DISC1: variants seen among roughly 807,000 people sequenced by gnomAD.
DISC1 encodes disrupted in schizophrenia 1 protein.
In DISC1, 57 loss-of-function variants were observed where a neutral mutation model predicts 84.5. The observed-to-expected ratio is 0.67, with a 90% CI of 0.55 to 0.84. DISC1 has a LOEUF of 0.84. Ranked by LOEUF, DISC1 falls within the 40% of genes least tolerant of loss-of-function variation. The pLI, the probability that DISC1 is intolerant of heterozygous loss-of-function variation, is 0.00. For missense variants in DISC1, 1,000 were observed against 1,057.8 expected (o/e 0.95, Z 0.76); for synonymous variants, 411 against 415.2 (o/e 0.99, Z 0.12).
At chr1:231,847,423 C>A (rs201360761) in intron 9 of DISC1, among the ~76,000 whole-genome samples, 10 of 152,224 alleles carry the variant, frequency 6.6e-5, no homozygotes, top group Middle Eastern at 3.4e-3. Flanking sequence ...TCCATAGCAG[C>A]CTATTCCATA....
At chr1:231,727,445 CA>C (rs2070878311) in intron 3 of DISC1, among the ~76,000 whole-genome samples, 1 of 152,068 alleles carries the variant, frequency 6.6e-6, no homozygotes, top group South Asian at 2.1e-4. Flanking sequence ...GAGTTTAGGA[CA>C]GGGGGCAGGG....
intron 4 of DISC1, among the ~76,000 whole-genome samples, chr1:231,756,276 C>A (rs1389480570): frequency 6.6e-6 from 1 of 152,212 alleles, no homozygotes; most frequent in African/African-American, 2.4e-5. Context: ...TGAATGACAG[C>A]ATACCTTGAA....
chr1:231,950,435 A>G (rs1157176018), intron 9 of DISC1, among the ~76,000 whole-genome samples: 1 of 152,174 alleles, frequency 6.6e-6, no homozygotes, highest in Non-Finnish European at 1.5e-5. Flanking sequence ...AAACCCAAAT[A>G]TGCCTGCTGC....
intron 9 of DISC1, among the ~76,000 whole-genome samples, chr1:231,829,721 G>A (rs1047140979): frequency 1.3e-5 from 2 of 152,186 alleles, no homozygotes; most frequent in Non-Finnish European, 2.9e-5. Context: ...TGTGAGCAAC[G>A]AGGCTGTTTA....
At chr1:231,680,907 A>C (rs935360028) in intron 1 of DISC1, among the ~76,000 whole-genome samples, 12 of 152,262 alleles carry the variant, frequency 7.9e-5, no homozygotes, top group African/African-American at 2.7e-4. Context: ...GCATGAAAGA[A>C]GCTGTCTTTT....
At chr1:231,985,846 G>C (rs1226012115) in intron 10 of DISC1, among the ~76,000 whole-genome samples, 1 of 152,152 alleles carries the variant, frequency 6.6e-6, no homozygotes, top group East Asian at 1.9e-4. Context: ...CATCACATGA[G>C]TTCCTAAGTG....
rs200388242 is a variant in DISC1 at position 231,896,474 on chromosome 1, CT to C, written c.1982-62346del. 6.4e-4 allele frequency among the ~76,000 whole-genome samples: 98 copies of C among 152,154 alleles called. No homozygotes were observed. The East Asian group carries it at 0.015, about 23-fold the overall frequency. On this transcript the variant is annotated intron_variant, in intron 9 of 12. Coordinates refer to ENST00000439617, the MANE Select transcript of DISC1 (RefSeq NM_018662.3). ...TGAAAAAGAAACATATCAAATGCAACTTTTTTTTCCCATTTCAGTTTATGCT... is the reference window on the plus strand; with the variant it reads ...TGAAAAAGAAACATATCAAATGCAACTTTTTTTCCCATTTCAGTTTATGCT...
chr1:231,906,590 A>G (rs199780990), intron 9 of DISC1, among the ~76,000 whole-genome samples: 14 of 152,244 alleles, frequency 9.2e-5, no homozygotes, highest in Non-Finnish European at 1.5e-4. Context: ...AAGAAAAGTC[A>G]GGCCAGTGTG....
chr1:231,969,746 C>A (rs1264439656), intron 10 of DISC1, among the ~76,000 whole-genome samples: 1 of 151,908 alleles, frequency 6.6e-6, no homozygotes, highest in Non-Finnish European at 1.5e-5. Context: ...CTATCCCTCC[C>A]CTCTCCCCCC....
chr1:231,729,062 A>G (rs950744607), intron 3 of DISC1, among the ~76,000 whole-genome samples: 2 of 152,052 alleles, frequency 1.3e-5, no homozygotes, highest in Non-Finnish European at 2.9e-5. Flanking sequence ...TCATTGTTCA[A>G]TTCCCACCTA....
At chr1:231,709,266 A>G (rs1393992707) in intron 3 of DISC1, among the ~76,000 whole-genome samples, 1 of 152,162 alleles carries the variant, frequency 6.6e-6, no homozygotes, top group African/African-American at 2.4e-5. Flanking sequence ...GTCAAGTGCC[A>G]CCTACTTGAG....
chr1:231,723,019 T>C, intron 3 of DISC1: 1 of 1,104,398 alleles, frequency 9.1e-7, no homozygotes, highest in Non-Finnish European at 1.1e-6. Flanking sequence ...TATGAAGGAA[T>C]CATTTTCCCC....
intron 3 of DISC1, among the ~76,000 whole-genome samples, chr1:231,739,608 A>AT (rs1308622259): frequency 6.6e-6 from 1 of 152,178 alleles, no homozygotes; most frequent in Non-Finnish European, 1.5e-5. Context: ...CCCATTTATG[A>AT]TTTTGACCCC....
At chr1:232,036,661 C>G (rs200808614) in intron 12 of DISC1, 31 bp from the exon 13 acceptor site, 36 of 1,537,912 alleles carry the variant, frequency 2.3e-5, no homozygotes, top group Non-Finnish European at 3.0e-5. Flanking sequence ...CCACGATCAC[C>G]TTCGAATGTG....
chr1:231,953,238 A>G (rs1219306674), intron 9 of DISC1, among the ~76,000 whole-genome samples: 1 of 152,222 alleles, frequency 6.6e-6, no homozygotes, highest in Non-Finnish European at 1.5e-5. Flanking sequence ...GTGACAGTCA[A>G]TATCATTTGC....
At position 231,863,220 on chromosome 1, in the gene DISC1, CTTTTTTTTTTTTTTTTTTTT is replaced by C. The variant is rs533463099; in HGVS notation, c.1981+44716_1981+44735del. Among the ~76,000 whole-genome samples the C allele has an allele frequency of 3.1e-3, 172 of 54,784 alleles. 2 individuals are homozygous for C. Among genetic ancestry groups the C allele is most frequent in the Middle Eastern group, 0.023 (1 of 44 alleles). The allele number at this position is 54,784 out of a possible 152,430, so 35.9% of individuals were successfully genotyped here. A position where few individuals can be genotyped will look rare whatever the true frequency, so the allele number is the denominator to read the frequency against. Reference sequence around the variant, plus strand: ...TGATTGACATAGTTTATAAAATGTTCTTTTTTTTTTTTTTTTTTTTTTTTTTTTTTTTGAGACAGGGTCTC... The same window carrying C: ...TGATTGACATAGTTTATAAAATGTTCTTTTTTTTTTTTGAGACAGGGTCTC... On this transcript the variant is annotated intron_variant, in intron 9 of 12. Transcript: ENST00000439617.
At chr1:231,682,006 T>G (rs2063747920) in intron 1 of DISC1, among the ~76,000 whole-genome samples, 1 of 152,188 alleles carries the variant, frequency 6.6e-6, no homozygotes, top group Non-Finnish European at 1.5e-5. Context: ...AGCCCATTTA[T>G]TAATTTTTAA....
intron 9 of DISC1, among the ~76,000 whole-genome samples, chr1:231,892,066 C>G (rs567418915): frequency 2.0e-5 from 3 of 152,120 alleles, no homozygotes; most frequent in African/African-American, 7.2e-5. Context: ...CTCCTGCCCC[C>G]CCACCACCTT....
At chr1:231,659,321 G>A (rs545671670) in intron 1 of DISC1, among the ~76,000 whole-genome samples, 43 of 152,142 alleles carry the variant, frequency 2.8e-4, no homozygotes, top group Admixed American at 2.8e-3. Flanking sequence ...GGGGTTAGTG[G>A]TGATATCTCC....
Sources: gnomAD v4.1 joint callset for allele counts (sites outside exome capture counted in the v4.1 genomes callset) on GRCh38, gnomAD v4.1.1 for gene constraint, MANE v1.5 for transcripts, NCBI Gene and HGNC (gene_info 2026-07-23, HGNC 2026-07-21) for gene names.